The following WWOX variants were observed in gnomAD, a reference collection of about 807,000 sequenced individuals.
The protein encoded by WWOX is WW domain-containing oxidoreductase.
Under a neutral mutation model 46.2 loss-of-function variants are expected in WWOX, and 69 were observed. The ratio of observed to expected loss-of-function variants is 1.49; its 90% CI spans 1.23 to 1.82. The LOEUF (loss-of-function observed/expected upper bound fraction) is 1.82. Among genes scored for constraint, WWOX ranks in the 40% most tolerant of loss-of-function variants. The probability of loss-of-function intolerance (pLI) is 0.00; values close to 1 mark genes in which losing one functional copy is unlikely to be tolerated. For synonymous variants in WWOX, 359 were observed against 202.6 expected, an observed-to-expected ratio of 1.77 and a Z score of -6.56; for missense variants, 919 against 542.6, an observed-to-expected ratio of 1.69 and a Z score of -6.89.
intron 5 of WWOX, among the ~76,000 whole-genome samples, chr16:78,187,851 C>T (rs1423753876): frequency 1.3e-5 from 2 of 152,148 alleles, no homozygotes; most frequent in Non-Finnish European, 2.9e-5. Flanking sequence ...ACTTTCTCAC[C>T]CAATTTTAAA....
chr16:78,107,207 A>G (rs1421166766), intron 1 of WWOX, among the ~76,000 whole-genome samples: 2 of 152,190 alleles, frequency 1.3e-5, no homozygotes, highest in African/African-American at 4.8e-5. Flanking sequence ...TACCCTTCGA[A>G]TACCTCTTGT....
intron 8 of WWOX, among the ~76,000 whole-genome samples, chr16:78,884,188 C>G (rs1217897847): frequency 1.3e-5 from 2 of 150,184 alleles, no homozygotes; most frequent in African/African-American, 2.4e-5. Flanking sequence ...AGGAGGATCA[C>G]CTGAGCCCAG....
intron 8 of WWOX, among the ~76,000 whole-genome samples, chr16:79,035,549 A>G (rs753843510): frequency 6.6e-6 from 1 of 151,842 alleles, no homozygotes; most frequent in African/African-American, 2.4e-5. Context: ...TTTATTTATT[A>G]ATTTTTTGAG....
chr16:78,380,228 G>T (rs919968726), intron 5 of WWOX, among the ~76,000 whole-genome samples: 1 of 152,134 alleles, frequency 6.6e-6, no homozygotes, highest in Admixed American at 6.5e-5. Context: ...GGGCAAGGAG[G>T]GTTGGGGGAT....
intron 5 of WWOX, among the ~76,000 whole-genome samples, chr16:78,180,730 CA>C (rs2035506348): frequency 6.6e-6 from 1 of 150,532 alleles, no homozygotes; most frequent in South Asian, 2.1e-4. Context: ...ATGGGGTATA[CA>C]TGAATACTAG....
chr16:78,836,627 G>C (rs1382416236), intron 8 of WWOX, among the ~76,000 whole-genome samples: 1 of 152,140 alleles, frequency 6.6e-6, no homozygotes, highest in Non-Finnish European at 1.5e-5. Context: ...TTTAATTCTT[G>C]CTACCATCCT....
intron 8 of WWOX, among the ~76,000 whole-genome samples, chr16:78,765,506 C>A (rs1343516813): frequency 6.6e-6 from 1 of 152,092 alleles, no homozygotes; most frequent in Non-Finnish European, 1.5e-5. Flanking sequence ...TGGTGAAACC[C>A]CATCTCTACT....
rs556173733 is a variant in WWOX at position 78,468,148 on chromosome 16, C to G, written c.1056+35396C>G. Among the ~76,000 whole-genome samples the G allele has an allele frequency of 1.9e-3, 296 of 152,268 alleles. 1 individual carries two copies. Among genetic ancestry groups the G allele is most frequent in the African/African-American group, 6.8e-3 (284 of 41,556 alleles). ...TGGGAGTCCAAGAACTACCTTTACA[C>G]TGGATCTTCACTGCTTTTACTATTG... On this transcript the variant is annotated intron_variant, in intron 8 of 8. Transcript: ENST00000566780.
At chr16:79,150,091 C>G (rs1597421366) in intron 8 of WWOX, among the ~76,000 whole-genome samples, 1 of 152,182 alleles carries the variant, frequency 6.6e-6, no homozygotes, top group South Asian at 2.1e-4. Context: ...TGAGAAGACT[C>G]ACAGATGTGA....
chr16:79,036,651 C>G (rs2047872518), intron 8 of WWOX, among the ~76,000 whole-genome samples: 1 of 152,132 alleles, frequency 6.6e-6, no homozygotes, highest in African/African-American at 2.4e-5. Context: ...CTCTCTGAAG[C>G]TCTGTTTTTG....
At chr16:78,991,673 C>T (rs1470093305) in intron 8 of WWOX, among the ~76,000 whole-genome samples, 1 of 150,954 alleles carries the variant, frequency 6.6e-6, no homozygotes, top group Non-Finnish European at 1.5e-5. Context: ...TTCACTCCCT[C>T]AGAACCTCAG....
chr16:78,445,511 C>G (rs2083539471), intron 8 of WWOX, among the ~76,000 whole-genome samples: 1 of 152,178 alleles, frequency 6.6e-6, no homozygotes, highest in Non-Finnish European at 1.5e-5. Context: ...AGAGACAAAC[C>G]ACTCCGACTT....
At chr16:78,373,634 A>T (rs79281109) in intron 5 of WWOX, among the ~76,000 whole-genome samples, 3 of 146,634 alleles carry the variant, frequency 2.0e-5, no homozygotes, top group Admixed American at 6.8e-5. Flanking sequence ...GCATAGAACT[A>T]TTTTTTTTTT....
At chr16:78,806,395 A>G (rs913831208) in intron 8 of WWOX, among the ~76,000 whole-genome samples, 2 of 152,166 alleles carry the variant, frequency 1.3e-5, no homozygotes, top group African/African-American at 2.4e-5. Context: ...AACAACATTT[A>G]TTTTGTTCAG....
In WWOX at chr16:78,472,273, A is replaced by T. The variant is rs543803905; in HGVS notation, c.1056+39521A>T. Among the ~76,000 whole-genome samples, 8 of 152,326 alleles carry T rather than the reference A, an allele frequency of 5.3e-5. 1 individual carries two copies. In the South Asian group the frequency reaches 1.7e-3, roughly 32 times the overall value. On this transcript the variant is annotated intron_variant, in intron 8 of 8. Coordinates refer to ENST00000566780, the MANE Select transcript of WWOX (RefSeq NM_016373.4). ...AATGATGGAATGACTAACGAGGATC[A>T]GAGGGAATGTGGTCAGCCTCTTATC...
chr16:78,854,396 C>T (rs891630744), intron 8 of WWOX, among the ~76,000 whole-genome samples: 1 of 152,178 alleles, frequency 6.6e-6, no homozygotes, highest in Non-Finnish European at 1.5e-5. Context: ...TCATGAAACA[C>T]ATTCTAATTT....
intron 8 of WWOX, among the ~76,000 whole-genome samples, chr16:78,489,242 G>T (rs2084716749): frequency 1.3e-5 from 2 of 152,114 alleles, no homozygotes; most frequent in African/African-American, 2.4e-5. Flanking sequence ...AGTGAGGTTG[G>T]CAGCCAGACA....
At chr16:78,215,108 G>C (rs1283924242) in intron 5 of WWOX, among the ~76,000 whole-genome samples, 1 of 152,158 alleles carries the variant, frequency 6.6e-6, no homozygotes, top group Non-Finnish European at 1.5e-5. Flanking sequence ...ATGGAAGATT[G>C]CATGATATTT....
chr16:78,192,160 A>G (rs1179559122), intron 5 of WWOX, among the ~76,000 whole-genome samples: 1 of 152,180 alleles, frequency 6.6e-6, no homozygotes, highest in Non-Finnish European at 1.5e-5. Context: ...AAATCTGCAT[A>G]AGTACCCCCT....
Sources: allele counts gnomAD v4.1 joint callset (sites outside exome capture counted in the v4.1 genomes callset), GRCh38; gene constraint gnomAD v4.1.1; transcripts MANE v1.5; gene names NCBI Gene and HGNC (gene_info 2026-07-23, HGNC 2026-07-21).